HPRT1: variants seen among roughly 807,000 people sequenced by gnomAD.
The protein encoded by HPRT1 is hypoxanthine phosphoribosyltransferase 1, also known as hypoxanthine-guanine phosphoribosyltransferase.
Under a neutral mutation model 19.0 loss-of-function variants are expected in HPRT1, and 4 were observed. The ratio of observed to expected loss-of-function variants is 0.21; its 90% confidence interval spans 0.10 to 0.48. HPRT1 has a LOEUF of 0.48. Ranked by LOEUF, HPRT1 falls within the 20% of genes least tolerant of loss-of-function variation. The probability of loss-of-function intolerance (pLI) is 0.98; values close to 1 mark genes in which losing one functional copy is unlikely to be tolerated. For missense variants in HPRT1, 65 were observed against 164.0 expected, an observed-to-expected ratio of 0.40 and a Z score of 3.30; for synonymous variants, 53 against 54.9, an observed-to-expected ratio of 0.97 and a Z score of 0.15.
At chrX:134,486,576 C>G (rs1281262329) in intron 4 of HPRT1, 46 bp downstream of exon 4, 24 of 717,876 alleles carry the variant, frequency 3.3e-5, no homozygotes, top group Non-Finnish European at 4.6e-5. Context: ...CATACCGAGT[C>G]AATTAGTAAC....
At chrX:134,479,173 G>A (rs915434526) in intron 3 of HPRT1, among the ~76,000 whole-genome samples, 3 of 111,872 alleles carry the variant, frequency 2.7e-5, no homozygotes, top group Non-Finnish European at 5.6e-5. Flanking sequence ...GTAGCGAGAC[G>A]CCATCTCAAA....
At chrX:134,484,809 T>C (rs140812491) in intron 3 of HPRT1, among the ~76,000 whole-genome samples, 176 of 111,505 alleles carry the variant, frequency 1.6e-3, no homozygotes, top group African/African-American at 5.5e-3. Flanking sequence ...TGGTTTGTTT[T>C]TGTGAACAAC....
Position 134,460,231 on chromosome X carries a change from G to GCTGCGC in HPRT1, c.-78_-73dup. The GCTGCGC allele has an allele frequency of 1.9e-6, 2 of 1,045,047 alleles. No homozygotes were observed. Among genetic ancestry groups the GCTGCGC allele is most frequent in the Non-Finnish European group, 2.5e-6 (2 of 786,223 alleles). The allele number at this position is 1,045,047 out of a possible 1,213,427, so 86.1% of individuals were successfully genotyped here. Reference sequence around the variant, plus strand: ...GCTTTCCCGCGCGGCGCCGCCTCTTGCTGCGCCTCCGCCTCCTCCTCTGCT... The same window carrying GCTGCGC: ...GCTTTCCCGCGCGGCGCCGCCTCTTGCTGCGCCTGCGCCTCCGCCTCCTCCTCTGCT... On this transcript the variant is annotated 5_prime_UTR_variant, in exon 1 of 9. Transcript: ENST00000298556.
chrX:134,488,531 T>C (rs2124299305), intron 4 of HPRT1, among the ~76,000 whole-genome samples: 1 of 111,560 alleles, frequency 9.0e-6, no homozygotes, highest in East Asian at 2.8e-4. Context: ...GCAGATGAAC[T>C]TTGGACCCGA....
intron 3 of HPRT1, among the ~76,000 whole-genome samples, chrX:134,481,505 C>CTA (rs1327305625): frequency 6.4e-4 from 62 of 96,169 alleles, no homozygotes; most frequent in African/African-American, 1.6e-3. Context: ...ATCTGTCTAT[C>CTA]TCTATCTATC....
At chrX:134,496,836 T>C (rs753240632) in intron 6 of HPRT1, among the ~76,000 whole-genome samples, 2 of 111,956 alleles carry the variant, frequency 1.8e-5, no homozygotes, top group Non-Finnish European at 3.8e-5. Flanking sequence ...GTTCTGGTTT[T>C]TTAAAGCTCC....
At chrX:134,499,581 G>A (rs2077690000) in intron 8 of HPRT1, among the ~76,000 whole-genome samples, 1 of 111,192 alleles carries the variant, frequency 9.0e-6, no homozygotes, top group South Asian at 3.8e-4. Context: ...GAGGCGGGCG[G>A]ATCACAAGGT....
intron 2 of HPRT1, 151 bp downstream of exon 2, chrX:134,473,616 AGAG>A (rs2077616211): frequency 2.3e-6 from 1 of 441,372 alleles, no homozygotes. Flanking sequence ...TAAAAATAAA[AGAG>A]GAGGGCCTTA....
intron 5 of HPRT1, chrX:134,492,396 A>G (rs2077670102): frequency 3.8e-6 from 1 of 264,972 alleles, no homozygotes; most frequent in Non-Finnish European, 7.3e-6. Flanking sequence ...GTTGATATAT[A>G]TCATTCCCAT....
At chrX:134,487,226 C>G (rs1446848092) in intron 4 of HPRT1, among the ~76,000 whole-genome samples, 1 of 111,587 alleles carries the variant, frequency 9.0e-6, no homozygotes, top group East Asian at 2.8e-4. Context: ...AGTTTAATAT[C>G]AAGATGTTTT....
chrX:134,494,789 T>G (rs764624047), intron 6 of HPRT1, among the ~76,000 whole-genome samples: 1 of 111,692 alleles, frequency 9.0e-6, no homozygotes, highest in East Asian at 2.8e-4. Flanking sequence ...TGTTGTTCTT[T>G]CCTGGTATAT....
intron 5 of HPRT1, among the ~76,000 whole-genome samples, chrX:134,492,705 G>A (rs932488561): frequency 3.6e-5 from 4 of 112,365 alleles, no homozygotes; most frequent in African/African-American, 1.3e-4. Context: ...AATCACAGGA[G>A]CGGCTATCCC....
intron 3 of HPRT1, 42 bp downstream of exon 3, chrX:134,475,406 A>G (rs898884608): frequency 3.4e-6 from 3 of 873,339 alleles, no homozygotes; most frequent in African/African-American, 4.0e-5. Flanking sequence ...TGGCAACAGT[A>G]GGTTTTCTTA....
intron 1 of HPRT1, among the ~76,000 whole-genome samples, chrX:134,470,492 A>G (rs1718236956): frequency 8.9e-6 from 1 of 111,872 alleles, no homozygotes; most frequent in African/African-American, 3.2e-5. Context: ...TTAAGCACCT[A>G]ATACAATGCT....
At chrX:134,487,890 G>C (rs974521593) in intron 4 of HPRT1, among the ~76,000 whole-genome samples, 16 of 111,425 alleles carry the variant, frequency 1.4e-4, no homozygotes, top group African/African-American at 5.2e-4. Context: ...TCAGTTTTTA[G>C]TGCTGGAATG....
chrX:134,495,760 A>G (rs2077678889), intron 6 of HPRT1, among the ~76,000 whole-genome samples: 1 of 111,972 alleles, frequency 8.9e-6, no homozygotes, highest in East Asian at 2.8e-4. Context: ...TGTACCCATT[A>G]GCAGTCATTC....
chrX:134,475,362 T>A lies in HPRT1; in HGVS notation c.316T>A (p.Cys106Ser). Residue 106 changes from cysteine (C) to serine (S), a missense_variant and splice_region_variant, in exon 3 of 9, where the codon TGT becomes AGT. By Grantham distance (112) the Cys-to-Ser change is moderately radical. Transcript: ENST00000298556. ...TVDFIRLKSY[C>S]NDQSTGDIKV... is the part of the protein sequence containing the mutation. ...AGATTTTATCAGACTGAAGAGCTAT[T>A]GTGTGAGTATATTTAATATATGATT... 1 of 1,110,972 alleles carries A rather than the reference T, an allele frequency of 9.0e-7. No homozygotes were observed. Among genetic ancestry groups the A allele is most frequent in the Non-Finnish European group, 1.2e-6 (1 of 804,454 alleles). The allele number at this position is 1,110,972 out of a possible 1,213,427, so 91.6% of individuals were successfully genotyped here. A position where few individuals can be genotyped will look rare whatever the true frequency, so the allele number is the denominator to read the frequency against.
intron 4 of HPRT1, among the ~76,000 whole-genome samples, chrX:134,487,262 T>C (rs144934474): frequency 9.9e-4 from 111 of 111,991 alleles, no homozygotes; most frequent in African/African-American, 3.6e-3. Flanking sequence ...ATTTATTTGT[T>C]GACCCATTGG....
At chrX:134,483,429 A>G in intron 3 of HPRT1, among the ~76,000 whole-genome samples, 1 of 111,881 alleles carries the variant, frequency 8.9e-6, no homozygotes, top group East Asian at 2.8e-4. Context: ...AAATAGAAAT[A>G]AAGACATTAA....
Sources: gnomAD v4.1 joint callset for allele counts (sites outside exome capture counted in the v4.1 genomes callset) on GRCh38, gnomAD v4.1.1 for gene constraint, MANE v1.5 for transcripts, NCBI Gene and HGNC (gene_info 2026-07-23, HGNC 2026-07-21) for gene names.